RMDN2: variants seen among roughly 807,000 people sequenced by gnomAD.
RMDN2 encodes the protein regulator of microtubule dynamics protein 2.
Under a neutral mutation model 52.8 loss-of-function variants are expected in RMDN2, and 61 were observed. The observed-to-expected ratio is 1.16, with a 90% confidence interval of 0.94 to 1.43. The LOEUF (loss-of-function observed/expected upper bound fraction) is 1.43, where lower values mean the gene tolerates loss of function less well. Ranked by LOEUF, RMDN2 falls within the 40% of genes most tolerant of loss-of-function variation. The pLI is 0.00. For synonymous variants in RMDN2, 180 were observed against 153.1 expected, an observed-to-expected ratio of 1.18 and a Z score of -1.30; for missense variants, 592 against 475.3, an observed-to-expected ratio of 1.25 and a Z score of -2.28.
intron 2 of RMDN2, among the ~76,000 whole-genome samples, chr2:37,970,131 C>T (rs1671600461): frequency 6.6e-6 from 1 of 152,086 alleles, no homozygotes; most frequent in Non-Finnish European, 1.5e-5. Context: ...CAGTGTTTTG[C>T]CATGTTGTGC....
At chr2:38,000,181 A>T (rs944940679) in intron 8 of RMDN2, among the ~76,000 whole-genome samples, 1 of 152,128 alleles carries the variant, frequency 6.6e-6, no homozygotes, top group African/African-American at 2.4e-5. Flanking sequence ...AAATTCTTTC[A>T]AACTATAGCA....
At chr2:38,022,762 CT>C (rs746301231) in intron 10 of RMDN2, among the ~76,000 whole-genome samples, 5 of 152,124 alleles carry the variant, frequency 3.3e-5, no homozygotes, top group Non-Finnish European at 7.4e-5. Context: ...TATCAAAAGG[CT>C]TTTCATTTGA....
chr2:37,967,114 T>TCC (rs1038872627), intron 2 of RMDN2, among the ~76,000 whole-genome samples: 1 of 152,224 alleles, frequency 6.6e-6, no homozygotes, highest in Admixed American at 6.5e-5. Context: ...CAGAGACACT[T>TCC]CCACATCAAT....
At chr2:38,011,102 G>T (rs1307705758) in intron 10 of RMDN2, among the ~76,000 whole-genome samples, 1 of 152,180 alleles carries the variant, frequency 6.6e-6, no homozygotes, top group African/African-American at 2.4e-5. Context: ...AAACAAGCTA[G>T]ACAGGTGGCC....
At chr2:37,977,896 G>C (rs567225069) in intron 4 of RMDN2, among the ~76,000 whole-genome samples, 1 of 152,024 alleles carries the variant, frequency 6.6e-6, no homozygotes, top group African/African-American at 2.4e-5. Flanking sequence ...AGGCAGAGAC[G>C]CTCCTCACTT....
At chr2:37,981,251 A>T in intron 4 of RMDN2, 32 bp from the exon 5 acceptor site, 1 of 1,277,636 alleles carries the variant, frequency 7.8e-7, no homozygotes, top group East Asian at 2.3e-5. Flanking sequence ...ACTCACATGA[A>T]GGTATTAAGT....
chr2:38,062,653 C>T (rs1261342161), intron 10 of RMDN2, among the ~76,000 whole-genome samples: 1 of 151,676 alleles, frequency 6.6e-6, no homozygotes, highest in Non-Finnish European at 1.5e-5. Flanking sequence ...TTTTAGGGTA[C>T]ATGTGCACAA....
upstream of RMDN2, among the ~76,000 whole-genome samples, chr2:37,924,402 AT>A (rs1320394655): frequency 1.6e-4 from 25 of 152,288 alleles, no homozygotes; most frequent in African/African-American, 5.5e-4. Flanking sequence ...GAGACGCTCT[AT>A]CACCCAGGCT....
intron 8 of RMDN2, among the ~76,000 whole-genome samples, chr2:38,002,429 A>G (rs1230168286): frequency 1.3e-5 from 2 of 152,198 alleles, no homozygotes; most frequent in South Asian, 4.1e-4. Context: ...ATTGAAAATG[A>G]TGAAGTATAT....
intron 2 of RMDN2, 134 bp downstream of exon 2, chr2:37,929,863 T>C: frequency 1.6e-6 from 1 of 621,764 alleles, no homozygotes; most frequent in Non-Finnish European, 2.7e-6. Flanking sequence ...TATTTTGACT[T>C]AGATTATAAT....
chr2:37,999,008 A>G (rs1019071109), intron 8 of RMDN2, among the ~76,000 whole-genome samples: 11 of 152,246 alleles, frequency 7.2e-5, no homozygotes, highest in African/African-American at 2.4e-4. Context: ...TATATAAAAG[A>G]TGCCACATTA....
intron 10 of RMDN2, among the ~76,000 whole-genome samples, chr2:38,010,505 C>T (rs763164891): frequency 2.6e-5 from 4 of 152,186 alleles, no homozygotes; most frequent in Admixed American, 1.3e-4. Flanking sequence ...TAGGACCCTC[C>T]GAGCCAGGAG....
At chr2:37,958,055 G>C (rs989134859) in intron 2 of RMDN2, among the ~76,000 whole-genome samples, 6 of 152,142 alleles carry the variant, frequency 3.9e-5, no homozygotes, top group African/African-American at 1.4e-4. Flanking sequence ...TAGCCTTGTA[G>C]TGTAGTTTGA....
intron 10 of RMDN2, among the ~76,000 whole-genome samples, chr2:38,055,010 G>A (rs1681800374): frequency 6.6e-6 from 1 of 152,156 alleles, no homozygotes; most frequent in South Asian, 2.1e-4. Context: ...AATGTCTTAT[G>A]TACCATAAAC....
chr2:37,939,917 T>C (rs1302741444), intron 2 of RMDN2, among the ~76,000 whole-genome samples: 1 of 152,230 alleles, frequency 6.6e-6, no homozygotes, highest in Non-Finnish European at 1.5e-5. Flanking sequence ...AATTTGATCC[T>C]GTCCTTATGA....
intron 2 of RMDN2, among the ~76,000 whole-genome samples, chr2:37,933,087 T>G (rs1666964651): frequency 6.6e-6 from 1 of 150,710 alleles, no homozygotes; most frequent in Admixed American, 6.6e-5. Flanking sequence ...GAGGGTCTCC[T>G]CACTTCTCAG....
chr2:38,024,497 T>C (rs1324613022), intron 10 of RMDN2, among the ~76,000 whole-genome samples: 1 of 152,154 alleles, frequency 6.6e-6, no homozygotes, highest in Non-Finnish European at 1.5e-5. Flanking sequence ...GTATATCTGA[T>C]AGGGGGTTTA....
chr2:37,932,128 C>T (rs1337049971), intron 2 of RMDN2, among the ~76,000 whole-genome samples: 1 of 151,596 alleles, frequency 6.6e-6, no homozygotes, highest in South Asian at 2.1e-4. Flanking sequence ...TTGGCAGGGT[C>T]ACAGGACAGT....
At chr2:38,007,541 C>A (rs545492031) in intron 10 of RMDN2, among the ~76,000 whole-genome samples, 1 of 152,064 alleles carries the variant, frequency 6.6e-6, no homozygotes, top group African/African-American at 2.4e-5. Flanking sequence ...TCTGTGGGAT[C>A]GGTGGTGATA....
Sources: gnomAD v4.1 joint callset for allele counts (sites outside exome capture counted in the v4.1 genomes callset) on GRCh38, gnomAD v4.1.1 for gene constraint, MANE v1.5 for transcripts, NCBI Gene and HGNC (gene_info 2026-07-23, HGNC 2026-07-21) for gene names.